Variants in BRWD3 observed in about 807,000 individuals in gnomAD.
The protein encoded by BRWD3 is bromodomain and WD repeat domain containing 3, also known as bromodomain and WD repeat-containing protein 3.
BRWD3 carries 10 observed loss-of-function variants against 149.7 expected under a neutral mutation model. That is an observed-to-expected ratio of 0.07 (90% CI 0.04 to 0.11). The LOEUF is 0.11. Ranked by LOEUF, BRWD3 falls within the 10% of genes least tolerant of loss-of-function variation. The pLI is 1.00. For synonymous variants in BRWD3, 504 were observed against 456.7 expected (o/e 1.10, Z -1.32); for missense variants, 940 against 1,373.2 (o/e 0.68, Z 4.99).
intron 6 of BRWD3, among the ~76,000 whole-genome samples, chrX:80,773,347 T>C (rs761326415): frequency 1.5e-3 from 163 of 111,527 alleles, no homozygotes; most frequent in African/African-American, 5.1e-3. Context: ...TTTAGCCTTA[T>C]GCCCACCTCT....
intron 6 of BRWD3, among the ~76,000 whole-genome samples, chrX:80,769,369 G>T (rs1226981958): frequency 9.0e-6 from 1 of 111,673 alleles, no homozygotes; most frequent in Non-Finnish European, 1.9e-5. Flanking sequence ...AAATGTAAAA[G>T]AACACAAATT....
intron 22 of BRWD3, among the ~76,000 whole-genome samples, chrX:80,705,948 C>T (rs966352949): frequency 1.8e-5 from 2 of 111,959 alleles, no homozygotes; most frequent in Admixed American, 9.5e-5. Flanking sequence ...ACAAACACTA[C>T]GCTTAGGTTA....
At chrX:80,756,169 T>A (rs1355499036) in intron 6 of BRWD3, among the ~76,000 whole-genome samples, 1 of 111,253 alleles carries the variant, frequency 9.0e-6, no homozygotes, top group African/African-American at 3.3e-5. Flanking sequence ...GATATCTATA[T>A]ATTTTTTCTC....
intron 6 of BRWD3, among the ~76,000 whole-genome samples, chrX:80,770,904 TC>T (rs1381434788): frequency 9.0e-6 from 1 of 111,697 alleles, no homozygotes; most frequent in Non-Finnish European, 1.9e-5. Context: ...TTCAGCAAAG[TC>T]TCAGGATACA....
intron 34 of BRWD3, 91 bp from the exon 35 acceptor site, chrX:80,687,094 A>ATG (rs1295467601): frequency 3.2e-5 from 17 of 535,421 alleles, no homozygotes; most frequent in Admixed American, 2.4e-4. Flanking sequence ...ACCTATCTGT[A>ATG]TGTGTGTATA....
intron 4 of BRWD3, among the ~76,000 whole-genome samples, chrX:80,805,661 C>A (rs1014752352): frequency 8.9e-6 from 1 of 112,110 alleles, no homozygotes; most frequent in African/African-American, 3.2e-5. Context: ...CCAGGCCGGG[C>A]GCGGTGGCTC....
chrX:80,759,663 G>C (rs2073782459), intron 6 of BRWD3, among the ~76,000 whole-genome samples: 1 of 111,580 alleles, frequency 9.0e-6, no homozygotes, highest in South Asian at 3.7e-4. Context: ...GAACTTTAAT[G>C]GTCCTTTCGG....
intron 6 of BRWD3, among the ~76,000 whole-genome samples, chrX:80,760,781 C>A (rs952466942): frequency 2.7e-5 from 3 of 111,465 alleles, no homozygotes; most frequent in Non-Finnish European, 5.7e-5. Context: ...AGCAATGCAA[C>A]CCATTATTTT....
intron 4 of BRWD3, among the ~76,000 whole-genome samples, chrX:80,794,961 C>T (rs1284783154): frequency 9.0e-6 from 1 of 111,130 alleles, no homozygotes; most frequent in African/African-American, 3.3e-5. Flanking sequence ...AACTGTTTTT[C>T]CTATTAAAGT....
intron 13 of BRWD3, among the ~76,000 whole-genome samples, 153 bp downstream of exon 13, chrX:80,729,763 G>A (rs1025163969): frequency 1.8e-5 from 2 of 111,444 alleles, no homozygotes; most frequent in East Asian, 2.8e-4. Context: ...CAACAGTAAC[G>A]AAGATTTGCT....
chrX:80,738,030 G>A (rs1602375409), intron 8 of BRWD3, among the ~76,000 whole-genome samples: 1 of 112,423 alleles, frequency 8.9e-6, no homozygotes, highest in Non-Finnish European at 1.9e-5. Context: ...GACATGCTAA[G>A]CCTAAATATT....
intron 6 of BRWD3, among the ~76,000 whole-genome samples, chrX:80,784,415 C>T (rs957470190): frequency 1.8e-5 from 2 of 111,529 alleles, no homozygotes; most frequent in African/African-American, 6.5e-5. Context: ...TTCTGGGATA[C>T]ATGTGCAGAA....
chrX:80,750,657 T>C (rs186804875), intron 6 of BRWD3, among the ~76,000 whole-genome samples: 6 of 111,151 alleles, frequency 5.4e-5, no homozygotes, highest in East Asian at 2.8e-4. Context: ...TTTTGGAAAA[T>C]AGTATGGAGG....
chrX:80,792,191 C>CT (rs962265313), intron 5 of BRWD3, among the ~76,000 whole-genome samples: 7 of 112,031 alleles, frequency 6.2e-5, no homozygotes, highest in African/African-American at 2.3e-4. Context: ...TGAACTAAAG[C>CT]TTTTTTTATG....
At chrX:80,803,602 A>T (rs950489746) in intron 4 of BRWD3, among the ~76,000 whole-genome samples, 1 of 111,952 alleles carries the variant, frequency 8.9e-6, no homozygotes, top group Non-Finnish European at 1.9e-5. Context: ...CGATTTCCAG[A>T]TATTGACCTC....
intron 10 of BRWD3, 136 bp downstream of exon 10, chrX:80,734,991 T>G: frequency 1.9e-6 from 1 of 535,731 alleles, no homozygotes; most frequent in Non-Finnish European, 3.2e-6. Context: ...AGAGTTTATC[T>G]ATCATAACAC....
intron 6 of BRWD3, among the ~76,000 whole-genome samples, chrX:80,791,454 T>C (rs2074181515): frequency 8.9e-6 from 1 of 111,912 alleles, no homozygotes; most frequent in Non-Finnish European, 1.9e-5. Flanking sequence ...AAGGTGACTT[T>C]TTGTCTTAAT....
intron 14 of BRWD3, among the ~76,000 whole-genome samples, chrX:80,726,544 C>G (rs2073251512): frequency 9.1e-6 from 1 of 110,392 alleles, no homozygotes; most frequent in African/African-American, 3.3e-5. Context: ...GCATAGAGAA[C>G]ATCCTGAAGC....
rs766002701 is a variant in BRWD3 at position 80,727,260 on chromosome X, C to A, written c.1386+1492G>T. ...ACTCTTAGCCCATTCCAATCTATTCCCTCTTCTGTGACCAGAATTAAAAGG... is the reference window on the plus strand; with the variant it reads ...ACTCTTAGCCCATTCCAATCTATTCACTCTTCTGTGACCAGAATTAAAAGG... On this transcript the variant is annotated intron_variant, in intron 14 of 40. Transcript: ENST00000373275. Among the ~76,000 whole-genome samples the A allele has an allele frequency of 3.2e-4, 36 of 111,318 alleles. 1 individual carries two copies. The South Asian group carries it at 9.3e-3, about 29-fold the overall frequency.
Sources: gnomAD v4.1 joint callset for allele counts (sites outside exome capture counted in the v4.1 genomes callset) on GRCh38, gnomAD v4.1.1 for gene constraint, MANE v1.5 for transcripts, NCBI Gene and HGNC (gene_info 2026-07-23, HGNC 2026-07-21) for gene names.